SLC25A13: variants seen among roughly 807,000 people sequenced by gnomAD.
SLC25A13 encodes solute carrier family 25 member 13.
In SLC25A13, 70 loss-of-function variants were observed where a neutral mutation model predicts 85.5. The ratio of observed to expected loss-of-function variants is 0.82; its 90% CI spans 0.68 to 1.00. The LOEUF is 1.00. Ranked by LOEUF, SLC25A13 falls within the 50% of genes least tolerant of loss-of-function variation. The pLI, the probability that SLC25A13 is intolerant of heterozygous loss-of-function variation, is 0.00. For missense variants in SLC25A13, 765 were observed against 819.8 expected (o/e 0.93, Z 0.82); for synonymous variants, 259 against 288.7 (o/e 0.90, Z 1.04).
intron 13 of SLC25A13, among the ~76,000 whole-genome samples, chr7:96,150,512 T>C (rs6961700): frequency 6.6e-6 from 1 of 152,274 alleles, no homozygotes; most frequent in Non-Finnish European, 1.5e-5. Context: ...AAAGTCATAG[T>C]TGAAGTCCTA....
At chr7:96,128,937 T>TCTCTCTCTC (rs1366430593) in intron 15 of SLC25A13, among the ~76,000 whole-genome samples, 2 of 136,954 alleles carry the variant, frequency 1.5e-5, no homozygotes, top group Non-Finnish European at 3.0e-5. Flanking sequence ...TCTGCCTTGC[T>TCTCTCTCTC]TGCTCTCTCT....
At chr7:96,303,109 T>C (rs1799612461) in intron 1 of SLC25A13, among the ~76,000 whole-genome samples, 1 of 152,056 alleles carries the variant, frequency 6.6e-6, no homozygotes, top group African/African-American at 2.4e-5. Context: ...CATGTGTGGG[T>C]GGACTGAGAA....
At chr7:96,222,880 G>A (rs1796187601) in intron 4 of SLC25A13, among the ~76,000 whole-genome samples, 1 of 152,102 alleles carries the variant, frequency 6.6e-6, no homozygotes, top group African/African-American at 2.4e-5. Context: ...AAAACCAAAA[G>A]GCATCCAAAA....
At chr7:96,259,466 T>G (rs1239706831) in intron 3 of SLC25A13, among the ~76,000 whole-genome samples, 1 of 152,196 alleles carries the variant, frequency 6.6e-6, no homozygotes, top group African/African-American at 2.4e-5. Flanking sequence ...AAGCTCATCA[T>G]CACTGGTCAT....
chr7:96,221,189 TG>T (rs1340026558), intron 4 of SLC25A13, among the ~76,000 whole-genome samples: 1 of 152,196 alleles, frequency 6.6e-6, no homozygotes. Context: ...CCCAATGAAC[TG>T]GAACAGTTTC....
intron 2 of SLC25A13, among the ~76,000 whole-genome samples, chr7:96,288,604 G>T (rs937436324): frequency 5.3e-5 from 8 of 152,170 alleles, no homozygotes; most frequent in African/African-American, 1.4e-4. Context: ...CTTAGCAAAC[G>T]GCACACCAGG....
At chr7:96,158,651 G>A (rs1392689545) in intron 13 of SLC25A13, among the ~76,000 whole-genome samples, 1 of 152,122 alleles carries the variant, frequency 6.6e-6, no homozygotes, top group African/African-American at 2.4e-5. Context: ...GCTTACACGT[G>A]TCAAAAATAG....
chr7:96,296,937 C>T lies in SLC25A13; in HGVS notation c.30G>A (p.Lys10=). MAAAKVALT[K]RADPAELRTI... ...TTCTAAGCTCAGCTGGATCTGCTCTCTTGGTTAAAGCCACCTATAAATAAA... is the reference window on the plus strand; with the variant it reads ...TTCTAAGCTCAGCTGGATCTGCTCTTTTGGTTAAAGCCACCTATAAATAAA... The change falls in exon 2 of 18, where the codon AAG becomes AAA. Residue 10 remains lysine (K), a synonymous_variant. Coordinates refer to ENST00000265631, the MANE Select transcript of SLC25A13 (RefSeq NM_014251.3). 3.7e-6 allele frequency: 6 copies of T among 1,613,490 alleles called. No homozygotes were observed. The East Asian group carries it at 1.3e-4, about 36-fold the overall frequency.
rs67556510 is a variant in SLC25A13, at chr7:96,317,805, A to ATT, written c.15+4135_15+4136dup. ...TTATTTTATTATTTTATTTTACTTT[A>ATT]TTTTATTTTTTTTTGAGACAGGATC... On this transcript the variant is annotated intron_variant, in intron 1 of 17. Transcript: ENST00000265631. 2.0e-3 allele frequency among the ~76,000 whole-genome samples: 293 copies of ATT among 144,216 alleles called. 4 individuals are homozygous for ATT. The highest frequency in any genetic ancestry group is 3.6e-3 in the South Asian group (17 of 4,722). 94.6% of individuals were successfully genotyped at this position (144,216 alleles called of 152,430 possible). A position where few individuals can be genotyped will look rare whatever the true frequency, so the allele number is the denominator to read the frequency against.
At chr7:96,308,646 G>A (rs779554967) in intron 1 of SLC25A13, among the ~76,000 whole-genome samples, 1 of 152,170 alleles carries the variant, frequency 6.6e-6, no homozygotes, top group Non-Finnish European at 1.5e-5. Flanking sequence ...ATGTTAAGTA[G>A]GGAAGCTGAT....
intron 13 of SLC25A13, among the ~76,000 whole-genome samples, chr7:96,165,350 A>G (rs2116557777): frequency 6.6e-6 from 1 of 152,284 alleles, no homozygotes; most frequent in South Asian, 2.1e-4. Context: ...TATAAGTTTA[A>G]ATCATAAGAC....
intron 3 of SLC25A13, among the ~76,000 whole-genome samples, chr7:96,244,138 G>C (rs1332593620): frequency 6.6e-6 from 1 of 152,034 alleles, no homozygotes; most frequent in African/African-American, 2.4e-5. Flanking sequence ...GTGGGGTCTG[G>C]GGGGGTCCTG....
intron 15 of SLC25A13, among the ~76,000 whole-genome samples, chr7:96,124,193 T>C (rs968401382): frequency 1.3e-5 from 2 of 152,184 alleles, no homozygotes; most frequent in Non-Finnish European, 2.9e-5. Context: ...ACTGGCAAAA[T>C]ACAGCTTTAG....
chr7:96,264,874 A>G (rs1320652578), intron 3 of SLC25A13, among the ~76,000 whole-genome samples: 2 of 152,168 alleles, frequency 1.3e-5, no homozygotes, highest in African/African-American at 4.8e-5. Flanking sequence ...CTAAAACAGA[A>G]AATTTAGTGA....
intron 5 of SLC25A13, among the ~76,000 whole-genome samples, chr7:96,205,064 T>C (rs557426361): frequency 6.6e-6 from 1 of 152,226 alleles, no homozygotes; most frequent in Admixed American, 6.5e-5. Context: ...CACGCCACTA[T>C]GTCCAGCTAA....
chr7:96,145,266 A>G (rs1345419137), intron 14 of SLC25A13, among the ~76,000 whole-genome samples: 1 of 152,116 alleles, frequency 6.6e-6, no homozygotes, highest in Non-Finnish European at 1.5e-5. Context: ...AATCTTCACA[A>G]AGTCTCAGAT....
At chr7:96,166,199 C>G (rs991417533) in intron 13 of SLC25A13, among the ~76,000 whole-genome samples, 1 of 152,096 alleles carries the variant, frequency 6.6e-6, no homozygotes, top group African/African-American at 2.4e-5. Flanking sequence ...CTATAAACAC[C>G]AATTATATTT....
At chr7:96,124,517 G>A (rs1791645726) in intron 15 of SLC25A13, among the ~76,000 whole-genome samples, 1 of 152,142 alleles carries the variant, frequency 6.6e-6, no homozygotes. Flanking sequence ...TATAAAATAT[G>A]CCTGTGTGCT....
chr7:96,127,151 G>C (rs140237376), intron 15 of SLC25A13, among the ~76,000 whole-genome samples: 99 of 152,288 alleles, frequency 6.5e-4, no homozygotes, highest in African/African-American at 2.3e-3. Context: ...TGGTATGATA[G>C]AGCATTCTAT....
Sources: allele counts gnomAD v4.1 joint callset (sites outside exome capture counted in the v4.1 genomes callset), GRCh38; gene constraint gnomAD v4.1.1; transcripts MANE v1.5; gene names NCBI Gene and HGNC (gene_info 2026-07-23, HGNC 2026-07-21).